The following AKAP7 variants were observed in gnomAD, a reference collection of about 807,000 sequenced individuals.
The protein encoded by AKAP7 is A-kinase anchoring protein 7, also known as A kinase (PRKA) anchor protein 7.
AKAP7 carries 39 observed loss-of-function variants against 39.5 expected under a neutral mutation model. The ratio of observed to expected loss-of-function variants is 0.99; its 90% CI spans 0.76 to 1.29. The LOEUF (loss-of-function observed/expected upper bound fraction) is 1.29, where lower values mean the gene tolerates loss of function less well. AKAP7 is among the 50% of genes most tolerant of loss of function. The pLI, the probability that AKAP7 is intolerant of heterozygous loss-of-function variation, is 0.00. For synonymous variants in AKAP7, 140 were observed against 139.1 expected (o/e 1.01, Z -0.05); for missense variants, 414 against 407.7 (o/e 1.02, Z -0.13).
rs753152320 is a variant in AKAP7 at position 131,281,038 on chromosome 6, G to A, written c.851-492G>A. ...GGTAGTAACTGCCTTTATCTTCAAGGCAGCACTGAGCATTTATTAACAACC... is the reference window on the plus strand; with the variant it reads ...GGTAGTAACTGCCTTTATCTTCAAGACAGCACTGAGCATTTATTAACAACC... On this transcript the variant is annotated intron_variant, in intron 7 of 7. Transcript: ENST00000431975. The surrounding 1 kb of genome is among the most constrained non-coding windows in gnomAD (Gnocchi z 4.0). 4.6e-5 allele frequency among the ~76,000 whole-genome samples: 7 copies of A among 152,056 alleles called. No individual in the cohort carries two copies. The highest frequency in any genetic ancestry group is 1.0e-4 in the Non-Finnish European group (7 of 68,002).
chr6:131,147,392 A>G (rs967447940), intron 2 of AKAP7, among the ~76,000 whole-genome samples: 7 of 152,234 alleles, frequency 4.6e-5, no homozygotes, highest in Admixed American at 2.6e-4. Context: ...AGTCTTTCCC[A>G]TTCCATAATC....
chr6:131,184,830 TG>T, intron 5 of AKAP7: 1 of 1,473,206 alleles, frequency 6.8e-7, no homozygotes, highest in Non-Finnish European at 9.5e-7. Context: ...AACTGAGGCC[TG>T]GTCGGTTCTT....
upstream of AKAP7, among the ~76,000 whole-genome samples, chr6:131,132,201 T>A (rs541615687): frequency 2.6e-4 from 39 of 152,150 alleles, no homozygotes; most frequent in African/African-American, 8.9e-4. Context: ...TGGTCCCATC[T>A]ACTCGGGAAG....
intron 7 of AKAP7, among the ~76,000 whole-genome samples, chr6:131,277,752 T>C (rs1407183417): frequency 6.6e-6 from 1 of 152,228 alleles, no homozygotes; most frequent in Non-Finnish European, 1.5e-5. Context: ...GACTCATCCC[T>C]GGGCTAATGG....
At chr6:131,169,066 A>AT (rs1422938476) in intron 4 of AKAP7, 47 bp from the exon 5 acceptor site, 1 of 1,492,384 alleles carries the variant, frequency 6.7e-7, no homozygotes, top group Non-Finnish European at 9.2e-7. Flanking sequence ...GGTTTTGTAT[A>AT]TTTTATTACT....
intron 7 of AKAP7, among the ~76,000 whole-genome samples, chr6:131,236,008 C>T (rs1411939760): frequency 6.6e-6 from 1 of 152,022 alleles, no homozygotes; most frequent in Non-Finnish European, 1.5e-5. Flanking sequence ...GTATTGCCTA[C>T]GTTTTCTTCT....
At chr6:131,149,697 C>T (rs187148627) in intron 2 of AKAP7, among the ~76,000 whole-genome samples, 3 of 152,258 alleles carry the variant, frequency 2.0e-5, no homozygotes, top group African/African-American at 7.2e-5. Context: ...CCTTTGGCTC[C>T]ATAGGGTGGA....
Position 131,255,348 on chromosome 6 carries a change from A to ATGAT in AKAP7, c.851-26181_851-26178dup, listed in dbSNP as rs1375297238. 2.0e-5 allele frequency among the ~76,000 whole-genome samples: 3 copies of ATGAT among 152,184 alleles called. No individual in the cohort carries two copies. In the East Asian group the frequency reaches 5.8e-4, roughly 29 times the overall value. On this transcript the variant is annotated intron_variant, in intron 7 of 7. Coordinates refer to ENST00000431975, the MANE Select transcript of AKAP7 (RefSeq NM_016377.4). ...GCTTCAGTGTCAATCAGCCTATCAGATGATAGAATATGGAATAACTGGTTA... is the reference window on the plus strand; with the variant it reads ...GCTTCAGTGTCAATCAGCCTATCAGATGATTGATAGAATATGGAATAACTGGTTA...
chr6:131,162,657 GC>G (rs1435875179), intron 3 of AKAP7, among the ~76,000 whole-genome samples: 1 of 152,082 alleles, frequency 6.6e-6, no homozygotes, highest in Non-Finnish European at 1.5e-5. Flanking sequence ...CTCTCCTTCA[GC>G]CCTTGCTTTT....
At chr6:131,154,242 G>A (rs1802210467) in intron 2 of AKAP7, among the ~76,000 whole-genome samples, 1 of 152,082 alleles carries the variant, frequency 6.6e-6, no homozygotes, top group Non-Finnish European at 1.5e-5. Flanking sequence ...CATCTTCTAA[G>A]TTGATTTCAT....
At chr6:131,164,235 C>T in intron 3 of AKAP7, 1 of 386,222 alleles carries the variant, frequency 2.6e-6, no homozygotes, top group East Asian at 7.3e-5. Flanking sequence ...TCTTCTGTTC[C>T]CTTAGGGCTT....
At chr6:131,196,106 T>A in intron 5 of AKAP7, among the ~76,000 whole-genome samples, 1 of 152,172 alleles carries the variant, frequency 6.6e-6, no homozygotes, top group East Asian at 1.9e-4. Context: ...GACTATCTTC[T>A]AGGTCTTGTA....
At chr6:131,280,974 AT>A (rs201138790) in intron 7 of AKAP7, among the ~76,000 whole-genome samples, 1,743 of 152,308 alleles carry the variant, frequency 0.011, 26 homozygotes, top group African/African-American at 0.037. Context: ...ATTAAAAAAA[AT>A]ATTAGTCTTA....
intron 6 of AKAP7, among the ~76,000 whole-genome samples, chr6:131,217,678 G>A (rs565301386): frequency 3.3e-5 from 5 of 152,250 alleles, no homozygotes; most frequent in South Asian, 2.1e-4. Flanking sequence ...AAAACAGTTA[G>A]CGTTTACCTT....
At chr6:131,156,727 G>T (rs1279554536) in intron 2 of AKAP7, among the ~76,000 whole-genome samples, 1 of 151,114 alleles carries the variant, frequency 6.6e-6, no homozygotes, top group African/African-American at 2.4e-5. Context: ...TGGTCTAGAT[G>T]AGTAAAAACA....
chr6:131,241,921 C>A, intron 7 of AKAP7: 1 of 435,224 alleles, frequency 2.3e-6, no homozygotes, highest in Non-Finnish European at 3.1e-6. Context: ...TTCAAGATTG[C>A]ATCTTCTACA....
intron 2 of AKAP7, among the ~76,000 whole-genome samples, chr6:131,151,791 A>G (rs985818948): frequency 1.3e-5 from 2 of 152,220 alleles, no homozygotes; most frequent in Admixed American, 1.3e-4. Context: ...TTCTAAGTCA[A>G]TAGCTAAGGA....
intron 5 of AKAP7, among the ~76,000 whole-genome samples, chr6:131,191,752 G>C (rs991706404): frequency 6.6e-6 from 1 of 151,988 alleles, no homozygotes; most frequent in Non-Finnish European, 1.5e-5. Flanking sequence ...TGGGGTGCTG[G>C]TACTGGACCT....
the AKAP7 span, among the ~76,000 whole-genome samples, chr6:131,129,589 A>G: frequency 2.0e-5 from 3 of 152,230 alleles, no homozygotes; most frequent in African/African-American, 4.8e-5. Context: ...GTAGTTAGAA[A>G]TATTTAAAAT....
Sources: allele counts gnomAD v4.1 joint callset (sites outside exome capture counted in the v4.1 genomes callset), GRCh38; gene constraint gnomAD v4.1.1; non-coding constraint Gnocchi (gnomAD v3.1); transcripts MANE v1.5; gene names NCBI Gene and HGNC (gene_info 2026-07-23, HGNC 2026-07-21).